FAM204A: variants seen among roughly 807,000 people sequenced by gnomAD.
FAM204A encodes the protein family with sequence similarity 204 member A.
FAM204A carries 16 observed loss-of-function variants against 35.4 expected under a neutral mutation model. The ratio of observed to expected loss-of-function variants is 0.45; its 90% confidence interval spans 0.31 to 0.69. FAM204A has a LOEUF of 0.69. Ranked by LOEUF, FAM204A falls within the 30% of genes least tolerant of loss-of-function variation. The probability of loss-of-function intolerance (pLI) is 0.07; values close to 1 mark genes in which losing one functional copy is unlikely to be tolerated. For missense variants in FAM204A, 240 were observed against 265.7 expected, an observed-to-expected ratio of 0.90 and a Z score of 0.67; for synonymous variants, 76 against 86.9, an observed-to-expected ratio of 0.88 and a Z score of 0.70.
At position 118,335,387 on chromosome 10, in the gene FAM204A, T is replaced by A; in HGVS notation, c.353+9A>T. 6.3e-7 allele frequency: 1 copy of A among 1,588,026 alleles called. No individual in the cohort carries two copies. The highest frequency in any genetic ancestry group is 8.6e-7 in the Non-Finnish European group (1 of 1,166,818). On this transcript the variant is annotated intron_variant, in intron 5 of 8. Coordinates refer to ENST00000369183, the MANE Select transcript of FAM204A (RefSeq NM_022063.3). ...CCTAAAATAGATAACTATTTTAAAT[T>A]CTACCTACCTATGTAATTCTTTTTC...
chr10:118,314,686 A>T (rs1355926610), intron 7 of FAM204A, among the ~76,000 whole-genome samples: 1 of 152,218 alleles, frequency 6.6e-6, no homozygotes, highest in African/African-American at 2.4e-5. Flanking sequence ...TTTAATATTT[A>T]AAAAATGGTT....
chr10:118,299,391 G>GTTTTTTTCTTTTTTTTT lies in FAM204A; in HGVS notation c.*11465_*11466insAAAAAAAAAGAAAAAAA, dbSNP rs1845783138. On this transcript the variant is annotated 3_prime_UTR_variant, in exon 9 of 9. Coordinates refer to ENST00000369183, the MANE Select transcript of FAM204A (RefSeq NM_022063.3). ...ACCTCCTCCTTTCTGCTTCCAGAAG[G>GTTTTTTTCTTTTTTTTT]TTTTTTTTTTTTTTTTTTTTTTGAG... 1 of 90,294 alleles carries GTTTTTTTCTTTTTTTTT rather than the reference G, an allele frequency of 1.1e-5. No homozygotes were observed. The highest frequency in any genetic ancestry group is 5.2e-5 in the African/African-American group (1 of 19,224). The allele number at this position is 90,294 out of a possible 1,614,324, so 5.6% of individuals were successfully genotyped here.
At chr10:118,330,953 G>A (rs1041990410) in intron 6 of FAM204A, among the ~76,000 whole-genome samples, 4 of 152,162 alleles carry the variant, frequency 2.6e-5, no homozygotes, top group African/African-American at 9.7e-5. Context: ...AGATTATGAT[G>A]AGTCAAAGAA....
At chr10:118,323,001 C>A (rs1338691661) in intron 7 of FAM204A, among the ~76,000 whole-genome samples, 1 of 151,958 alleles carries the variant, frequency 6.6e-6, no homozygotes, top group Non-Finnish European at 1.5e-5. Context: ...ACATTTTAAC[C>A]CTGAAGACTA....
chr10:118,337,156 AG>A (rs1393581388), intron 2 of FAM204A: 1 of 764,626 alleles, frequency 1.3e-6, no homozygotes, highest in Non-Finnish European at 1.6e-6. Context: ...AGAACCATTA[AG>A]TTTAATAAAA....
chr10:118,319,833 T>C (rs1233206992), intron 7 of FAM204A, among the ~76,000 whole-genome samples: 1 of 151,966 alleles, frequency 6.6e-6, no homozygotes, highest in Non-Finnish European at 1.5e-5. Flanking sequence ...AAAACTGTTA[T>C]AATGTTACAA....
chr10:118,334,535 AAC>A (rs1235295834), intron 6 of FAM204A, among the ~76,000 whole-genome samples: 1 of 152,216 alleles, frequency 6.6e-6, no homozygotes, highest in Non-Finnish European at 1.5e-5. Context: ...TTCACCAGGT[AAC>A]AGTCATACGA....
intron 7 of FAM204A, 43 bp from the exon 8 acceptor site, chr10:118,311,356 C>A: frequency 7.0e-7 from 1 of 1,429,220 alleles, no homozygotes; most frequent in Non-Finnish European, 9.7e-7. Flanking sequence ...AATAAATATT[C>A]CAGCTAATAC....
chr10:118,310,929 A>G (rs768516691), intron 8 of FAM204A, 21 bp from the exon 9 acceptor site: 2 of 1,564,706 alleles, frequency 1.3e-6, no homozygotes, highest in Admixed American at 2.0e-5. Context: ...GAACATACAA[A>G]TCTCAATTTA....
At chr10:118,316,636 C>G (rs1477516823) in intron 7 of FAM204A, among the ~76,000 whole-genome samples, 1 of 152,096 alleles carries the variant, frequency 6.6e-6, no homozygotes, top group Non-Finnish European at 1.5e-5. Flanking sequence ...CCTACAACTC[C>G]TATCACTTTA....
intron 7 of FAM204A, among the ~76,000 whole-genome samples, chr10:118,321,996 T>A (rs1265058396): frequency 6.6e-6 from 1 of 152,090 alleles, no homozygotes; most frequent in Non-Finnish European, 1.5e-5. Context: ...ACTGAGAAAT[T>A]TAGCAAAGGC....
intron 7 of FAM204A, among the ~76,000 whole-genome samples, chr10:118,315,580 G>A (rs752807090): frequency 6.6e-6 from 1 of 152,108 alleles, no homozygotes; most frequent in Non-Finnish European, 1.5e-5. Flanking sequence ...GATGTTTTCT[G>A]AAGTAAAGCG....
intron 2 of FAM204A, among the ~76,000 whole-genome samples, chr10:118,339,983 A>G (rs1846448977): frequency 6.6e-6 from 1 of 152,252 alleles, no homozygotes; most frequent in Admixed American, 6.5e-5. Flanking sequence ...TCAGATAACA[A>G]TGAATCAAAA....
intron 7 of FAM204A, among the ~76,000 whole-genome samples, chr10:118,312,122 G>A (rs1296246595): frequency 2.0e-5 from 3 of 152,204 alleles, no homozygotes; most frequent in Non-Finnish European, 4.4e-5. Context: ...AGCATCTCCA[G>A]GATAAGCATT....
chr10:118,312,150 T>A lies in FAM204A; in HGVS notation c.544-837A>T, dbSNP rs1054011407. Among the ~76,000 whole-genome samples the A allele has an allele frequency of 4.6e-5, 7 of 152,212 alleles. 1 individual carries two copies. The East Asian group carries it at 7.7e-4, about 17-fold the overall frequency. On this transcript the variant is annotated intron_variant, in intron 7 of 8. Coordinates refer to ENST00000369183, the MANE Select transcript of FAM204A (RefSeq NM_022063.3). ...TAAGCATTGTGATGGTATCTTCTACTTTTAGTGTGCTCTTAGTTTTAAAAT... is the reference window on the plus strand; with the variant it reads ...TAAGCATTGTGATGGTATCTTCTACATTTAGTGTGCTCTTAGTTTTAAAAT...
At position 118,307,535 on chromosome 10, in the gene FAM204A, GCCT is replaced by G. The variant is rs1245979937; in HGVS notation, c.*3319_*3321del. 2.0e-5 allele frequency: 3 copies of G among 152,094 alleles called. No individual in the cohort carries two copies. The highest frequency in any genetic ancestry group is 4.4e-5 in the Non-Finnish European group (3 of 67,954). 9.4% of individuals were successfully genotyped at this position (152,094 alleles called of 1,614,324 possible). On this transcript the variant is annotated 3_prime_UTR_variant, in exon 9 of 9. Transcript: ENST00000369183. ...ATGAGATCTGACATAACATCGGCTT[GCCT>G]CCTCAAACTTTATCATCTCTTAAAA...
chr10:118,326,743 G>C (rs1396773636), intron 6 of FAM204A, among the ~76,000 whole-genome samples: 1 of 152,168 alleles, frequency 6.6e-6, no homozygotes, highest in Non-Finnish European at 1.5e-5. Flanking sequence ...TTTGCTCAGA[G>C]CCTGCATTCT....
chr10:118,335,670 C>G, intron 3 of FAM204A, 29 bp from the exon 4 acceptor site: 1 of 1,476,146 alleles, frequency 6.8e-7, no homozygotes, highest in Non-Finnish European at 9.3e-7. Context: ...AATTGAGAAG[C>G]AAATATACTT....
At chr10:118,312,102 T>A (rs917963727) in intron 7 of FAM204A, among the ~76,000 whole-genome samples, 1 of 152,234 alleles carries the variant, frequency 6.6e-6, no homozygotes, top group African/African-American at 2.4e-5. Context: ...TGCAGAGCTG[T>A]TCCCCAGCAA....
Sources: gnomAD v4.1 joint callset for allele counts (sites outside exome capture counted in the v4.1 genomes callset) on GRCh38, gnomAD v4.1.1 for gene constraint, MANE v1.5 for transcripts, NCBI Gene and HGNC (gene_info 2026-07-23, HGNC 2026-07-21) for gene names.